The following PARD3B variants were observed in gnomAD, a reference collection of about 807,000 sequenced individuals.
The protein encoded by PARD3B is partitioning defective 3 homolog B.
Under a neutral mutation model 130.2 loss-of-function variants are expected in PARD3B, and 103 were observed. The ratio of observed to expected loss-of-function variants is 0.79; its 90% CI spans 0.67 to 0.93. The LOEUF is 0.93. PARD3B is among the 40% of genes least tolerant of loss of function. The pLI, the probability that PARD3B is intolerant of heterozygous loss-of-function variation, is 0.00. For synonymous variants in PARD3B, 583 were observed against 553.2 expected, an observed-to-expected ratio of 1.05 and a Z score of -0.76; for missense variants, 1,609 against 1,499.2, an observed-to-expected ratio of 1.07 and a Z score of -1.21.
At chr2:204,836,112 G>A (rs916765162) in intron 2 of PARD3B, among the ~76,000 whole-genome samples, 8 of 152,124 alleles carry the variant, frequency 5.3e-5, no homozygotes, top group African/African-American at 1.7e-4. Flanking sequence ...TTAGCTTCGT[G>A]GGCAACTTTG....
intron 22 of PARD3B, among the ~76,000 whole-genome samples, chr2:205,594,439 T>A (rs1184016370): frequency 6.6e-6 from 1 of 152,144 alleles, no homozygotes; most frequent in African/African-American, 2.4e-5. Context: ...GGATGCAAAC[T>A]GAACACAATG....
chr2:205,103,312 A>ATATTTATGTAAAATAAACATATTTT (rs1559439710), intron 4 of PARD3B, among the ~76,000 whole-genome samples: 66 of 18,804 alleles, frequency 3.5e-3, no homozygotes, highest in Non-Finnish European at 6.1e-3. Flanking sequence ...AACATATTTT[A>ATATTTATGTAAAATAAACATATTTT]TATTTATGTA....
chr2:204,923,603 G>A (rs1366041653), intron 2 of PARD3B, among the ~76,000 whole-genome samples: 1 of 152,014 alleles, frequency 6.6e-6, no homozygotes, highest in Non-Finnish European at 1.5e-5. Flanking sequence ...GGAAGGCAAT[G>A]TCTTAAAAAG....
intron 1 of PARD3B, among the ~76,000 whole-genome samples, chr2:204,663,470 C>T (rs1277176413): frequency 6.6e-6 from 1 of 152,168 alleles, no homozygotes; most frequent in African/African-American, 2.4e-5. Context: ...ACCTATTGTA[C>T]TGATTTTTAC....
At chr2:205,149,444 C>T (rs1305314178) in intron 10 of PARD3B, among the ~76,000 whole-genome samples, 1 of 152,136 alleles carries the variant, frequency 6.6e-6, no homozygotes, top group South Asian at 2.1e-4. Context: ...TTGTTTTCTA[C>T]CACCCGTCCT....
chr2:205,436,432 A>G (rs1255874956), intron 19 of PARD3B, among the ~76,000 whole-genome samples: 2 of 152,158 alleles, frequency 1.3e-5, no homozygotes, highest in Non-Finnish European at 2.9e-5. Flanking sequence ...GTTAGAGGCC[A>G]GCATGAGTTT....
rs975524780 is a variant in PARD3B at position 205,244,140 on chromosome 2, T to C, written c.2141-1638T>C. ...ATATGTAGTGCTTTTATCTAGAAAA[T>C]AAAGAAATAGCTTAGAAAAGGAGGG... On this transcript the variant is annotated intron_variant, in intron 15 of 22. Coordinates refer to ENST00000406610, the MANE Select transcript of PARD3B (RefSeq NM_001302769.2). The surrounding 1 kb of genome is among the most constrained non-coding windows in gnomAD (Gnocchi z 4.7). Among the ~76,000 whole-genome samples, 1 of 151,988 alleles carries C rather than the reference T, an allele frequency of 6.6e-6. No homozygotes were observed. Among genetic ancestry groups the C allele is most frequent in the African/African-American group, 2.4e-5 (1 of 41,408 alleles).
intron 4 of PARD3B, among the ~76,000 whole-genome samples, chr2:205,097,792 A>G (rs188083698): frequency 6.6e-6 from 1 of 151,742 alleles, no homozygotes; most frequent in East Asian, 2.0e-4. Flanking sequence ...TCTAATTGTC[A>G]TGCCAATTTC....
chr2:205,227,039 A>G (rs1448436678), intron 15 of PARD3B, among the ~76,000 whole-genome samples: 1 of 150,548 alleles, frequency 6.6e-6, no homozygotes, highest in Non-Finnish European at 1.5e-5. Context: ...CAGAGAATAT[A>G]CTCGATATAA....
chr2:204,851,681 C>G (rs181466129), intron 2 of PARD3B, among the ~76,000 whole-genome samples: 8 of 152,042 alleles, frequency 5.3e-5, no homozygotes, highest in African/African-American at 1.9e-4. Context: ...TATACGTTAT[C>G]AACTGGCCAA....
In PARD3B at chr2:205,142,641, A is replaced by G. The variant is rs1277970581; in HGVS notation, c.1435-16081A>G. On this transcript the variant is annotated intron_variant, in intron 10 of 22. Transcript: ENST00000406610. This position sits in a 1 kb window ranked among gnomAD's most constrained non-coding sequence, Gnocchi z 4.3. ...ACGCCTGTAATCCCAACACTTTGGG[A>G]GGCCGAGGTGGGCGGATCAAGAGGT... is the stretch of plus-strand genomic sequence containing the variant. 6.6e-6 allele frequency among the ~76,000 whole-genome samples: 1 copy of G among 152,134 alleles called. No homozygotes were observed. Among genetic ancestry groups the G allele is most frequent in the African/African-American group, 2.4e-5 (1 of 41,428 alleles).
At chr2:205,156,297 G>T (rs1426144082) in intron 10 of PARD3B, among the ~76,000 whole-genome samples, 1 of 150,548 alleles carries the variant, frequency 6.6e-6, no homozygotes, top group Non-Finnish European at 1.5e-5. Flanking sequence ...AGCATTAGGA[G>T]ATATACCTAA....
chr2:205,544,896 C>T (rs2052319149), intron 21 of PARD3B, among the ~76,000 whole-genome samples: 1 of 152,126 alleles, frequency 6.6e-6, no homozygotes, highest in African/African-American at 2.4e-5. Context: ...TGTTTTAACC[C>T]TGACATGTTG....
intron 19 of PARD3B, among the ~76,000 whole-genome samples, chr2:205,433,322 C>A (rs1169057946): frequency 6.6e-6 from 1 of 152,094 alleles, no homozygotes; most frequent in Non-Finnish European, 1.5e-5. Context: ...CACCTGAGGT[C>A]AGGAGTTCGA....
chr2:204,968,559 C>T (rs1691446513), intron 3 of PARD3B, among the ~76,000 whole-genome samples: 1 of 152,242 alleles, frequency 6.6e-6, no homozygotes, highest in South Asian at 2.1e-4. Flanking sequence ...CCACTGTGAA[C>T]CACTTGCCAT....
intron 3 of PARD3B, among the ~76,000 whole-genome samples, chr2:205,013,369 C>T (rs1322340050): frequency 6.6e-6 from 1 of 151,166 alleles, no homozygotes. Flanking sequence ...GTTTTTTTTC[C>T]CCTTCAGACT....
At chr2:205,226,111 T>G (rs1011735435) in intron 15 of PARD3B, among the ~76,000 whole-genome samples, 15 of 152,202 alleles carry the variant, frequency 9.9e-5, no homozygotes, top group Non-Finnish European at 2.2e-4. Flanking sequence ...GCACAATCTC[T>G]GCTCACTGCA....
intron 22 of PARD3B, among the ~76,000 whole-genome samples, chr2:205,603,276 G>A (rs906833592): frequency 2.6e-5 from 4 of 152,234 alleles, no homozygotes; most frequent in Middle Eastern, 3.4e-3. Flanking sequence ...CCAGTTATGT[G>A]ATCAATTTTA....
At chr2:204,591,249 C>T (rs898910330) in intron 1 of PARD3B, among the ~76,000 whole-genome samples, 2 of 152,122 alleles carry the variant, frequency 1.3e-5, no homozygotes, top group African/African-American at 4.8e-5. Context: ...TCAGAATGCA[C>T]CAAATGGAAG....
Sources: gnomAD v4.1 joint callset for allele counts (sites outside exome capture counted in the v4.1 genomes callset) on GRCh38, gnomAD v4.1.1 for gene constraint, Gnocchi (gnomAD v3.1) non-coding constraint, MANE v1.5 for transcripts, NCBI Gene and HGNC (gene_info 2026-07-23, HGNC 2026-07-21) for gene names.